KIF6: variants seen among roughly 807,000 people sequenced by gnomAD.
KIF6 encodes kinesin-like protein KIF6.
A neutral mutation model predicts 112.7 loss-of-function variants in KIF6; 106 were observed. The observed-to-expected ratio is 0.94, with a 90% CI of 0.80 to 1.11. KIF6 has a LOEUF of 1.11. KIF6 is among the 50% of genes least tolerant of loss of function. KIF6 has a pLI of 0.00. For synonymous variants in KIF6, 339 were observed against 339.9 expected, an observed-to-expected ratio of 1.00 and a Z score of 0.03; for missense variants, 929 against 964.0, an observed-to-expected ratio of 0.96 and a Z score of 0.48.
At chr6:39,474,357 G>A (rs1581933409) in intron 13 of KIF6, among the ~76,000 whole-genome samples, 1 of 152,170 alleles carries the variant, frequency 6.6e-6, no homozygotes, top group Non-Finnish European at 1.5e-5. Context: ...TATTTGTTAG[G>A]ATTGTCTTCA....
intron 3 of KIF6, among the ~76,000 whole-genome samples, chr6:39,640,550 G>A (rs112262348): frequency 1.6e-3 from 250 of 152,152 alleles, no homozygotes; most frequent in African/African-American, 5.5e-3. Context: ...AACTAGCTAC[G>A]ATGACATCAG....
intron 16 of KIF6, among the ~76,000 whole-genome samples, chr6:39,367,562 A>G (rs896004323): frequency 6.6e-6 from 1 of 152,112 alleles, no homozygotes; most frequent in Non-Finnish European, 1.5e-5. Flanking sequence ...GCAGTCAAAC[A>G]GTAACTGAAG....
intron 19 of KIF6, among the ~76,000 whole-genome samples, chr6:39,349,195 T>A (rs1764021756): frequency 2.0e-5 from 3 of 152,154 alleles, no homozygotes; most frequent in Admixed American, 2.0e-4. Context: ...CATCTTAAGT[T>A]GGAATACCTA....
At chr6:39,607,602 A>ATTTG (rs1782963607) in intron 6 of KIF6, among the ~76,000 whole-genome samples, 2 of 151,958 alleles carry the variant, frequency 1.3e-5, no homozygotes, top group Admixed American at 6.6e-5. Context: ...TTATTTATTT[A>ATTTG]TTTATTTGAG....
chr6:39,515,043 T>C (rs572199155), intron 13 of KIF6, among the ~76,000 whole-genome samples: 1 of 152,306 alleles, frequency 6.6e-6, no homozygotes, highest in South Asian at 2.1e-4. Flanking sequence ...TTATGAAACC[T>C]ACTAATTTTT....
chr6:39,449,883 TG>T (rs1309647709), intron 13 of KIF6, among the ~76,000 whole-genome samples: 1 of 152,236 alleles, frequency 6.6e-6, no homozygotes, highest in African/African-American at 2.4e-5. Context: ...ATAACCTTTC[TG>T]TTCTGGGGGA....
chr6:39,583,438 G>T, intron 9 of KIF6: 1 of 471,608 alleles, frequency 2.1e-6, no homozygotes, highest in Non-Finnish European at 4.4e-6. Context: ...TCACTCATTG[G>T]TTTCTGCAGA....
chr6:39,700,696 A>G (rs533241028), intron 3 of KIF6, among the ~76,000 whole-genome samples: 47 of 147,090 alleles, frequency 3.2e-4, no homozygotes, highest in Non-Finnish European at 5.1e-4. Context: ...GTTTCACATG[A>G]AAATGGTATC....
At chr6:39,554,868 T>A (rs2150584436) in intron 10 of KIF6, 1 of 199,830 alleles carries the variant, frequency 5.0e-6, no homozygotes, top group South Asian at 1.1e-4. Context: ...GATCATGAGA[T>A]CATGGTTACA....
At chr6:39,667,038 C>T (rs1045602203) in intron 3 of KIF6, among the ~76,000 whole-genome samples, 1 of 152,200 alleles carries the variant, frequency 6.6e-6, no homozygotes, top group South Asian at 2.1e-4. Flanking sequence ...TCACAGATCT[C>T]TTTCACTGTG....
intron 16 of KIF6, among the ~76,000 whole-genome samples, chr6:39,373,290 G>A (rs940874831): frequency 1.3e-5 from 2 of 152,074 alleles, no homozygotes; most frequent in African/African-American, 2.4e-5. Context: ...ATGTGATTGC[G>A]TTTTTTTGCA....
intron 13 of KIF6, among the ~76,000 whole-genome samples, chr6:39,523,516 A>G (rs1417961783): frequency 1.3e-5 from 2 of 150,862 alleles, no homozygotes; most frequent in Non-Finnish European, 3.0e-5. Flanking sequence ...AAACCCTACA[A>G]TCCAACCCAA....
rs537999500 is a variant in KIF6 at position 39,596,133 on chromosome 6, C to T, written c.767G>A (p.Arg256Gln). The change falls in exon 7 of 23, where the codon CGA becomes CAA. Residue 256 changes from arginine (R) to glutamine (Q), a missense_variant. Coordinates refer to ENST00000287152, the MANE Select transcript of KIF6 (RefSeq NM_145027.6). ...LHLVDLAGSE[R>Q]VAKTGVGGHL... The stretch of plus-strand genomic sequence containing the variant: ...GCCCCCTACTCCAGTCTTTGCAACT[C>T]GCTCTGAACCAGCCAGGTCAACCAG... The T allele has an allele frequency of 9.3e-6, 15 of 1,614,012 alleles. No individual in the cohort carries two copies. The highest frequency in any genetic ancestry group is 3.3e-5 in the Admixed American group (2 of 59,986).
intron 10 of KIF6, among the ~76,000 whole-genome samples, chr6:39,565,347 A>G (rs942777241): frequency 1.1e-4 from 16 of 149,288 alleles, no homozygotes; most frequent in African/African-American, 3.9e-4. Context: ...GGCAGGCACC[A>G]GGCTTTATGA....
In KIF6 at chr6:39,540,016, G is replaced by C. The variant is rs1051650687; in HGVS notation, c.1632C>G (p.Leu544=). 4 of 1,604,070 alleles carry C rather than the reference G, an allele frequency of 2.5e-6. No individual in the cohort carries two copies. The highest frequency in any genetic ancestry group is 3.5e-5 in the Admixed American group (2 of 57,700). ...TAGTCAACTGACCTATTTTCTTGTGGAGCAAACTGGATCTTTTCCCCAAAA... is the reference window on the plus strand; with the variant it reads ...TAGTCAACTGACCTATTTTCTTGTGCAGCAAACTGGATCTTTTCCCCAAAA... The part of the protein sequence containing the change: ...FSILGKRSSL[L]HKKIGMREEM... Residue 544 remains leucine (L), a synonymous_variant, in exon 13 of 23, where the codon CTC becomes CTG. Coordinates refer to ENST00000287152, the MANE Select transcript of KIF6 (RefSeq NM_145027.6).
intron 10 of KIF6, among the ~76,000 whole-genome samples, chr6:39,574,561 T>A (rs1430883303): frequency 6.6e-6 from 1 of 152,048 alleles, no homozygotes; most frequent in African/African-American, 2.4e-5. Context: ...TTTAGAGTAA[T>A]TTTTTTTCCT....
At chr6:39,536,021 C>T (rs965367339) in intron 13 of KIF6, among the ~76,000 whole-genome samples, 1 of 151,680 alleles carries the variant, frequency 6.6e-6, no homozygotes, top group Non-Finnish European at 1.5e-5. Context: ...CCAACAGGAA[C>T]AAAGACACAA....
In KIF6 at chr6:39,453,100, G is replaced by A. The variant is rs549306641; in HGVS notation, c.1646-21939C>T. Among the ~76,000 whole-genome samples, 5 of 152,342 alleles carry A rather than the reference G, an allele frequency of 3.3e-5. No individual in the cohort carries two copies. In the South Asian group the frequency reaches 1.0e-3, roughly 32 times the overall value. Reference sequence around the variant, plus strand: ...AATCAATTTAAACAAATGTGATCCAGAGATGGATCTACAATGTATGAAGAA... The same window carrying A: ...AATCAATTTAAACAAATGTGATCCAAAGATGGATCTACAATGTATGAAGAA... On this transcript the variant is annotated intron_variant, in intron 13 of 22. Coordinates refer to ENST00000287152, the MANE Select transcript of KIF6 (RefSeq NM_145027.6).
intron 15 of KIF6, among the ~76,000 whole-genome samples, chr6:39,399,964 A>C (rs1457235114): frequency 6.6e-6 from 1 of 152,212 alleles, no homozygotes; most frequent in Admixed American, 6.5e-5. Context: ...CCCCTATAGC[A>C]CGAGAGCAGA....
Sources: allele counts gnomAD v4.1 joint callset (sites outside exome capture counted in the v4.1 genomes callset), GRCh38; gene constraint gnomAD v4.1.1; transcripts MANE v1.5; gene names NCBI Gene and HGNC (gene_info 2026-07-23, HGNC 2026-07-21).